Variants in TMEM132D observed in about 807,000 individuals in gnomAD.
TMEM132D encodes transmembrane protein 132D, also known as mature OL transmembrane protein.
TMEM132D carries 21 observed loss-of-function variants against 62.3 expected under a neutral mutation model. That is an observed-to-expected ratio of 0.34 (90% CI 0.24 to 0.49). The LOEUF (loss-of-function observed/expected upper bound fraction) is 0.49. TMEM132D is among the 20% of genes least tolerant of loss of function. TMEM132D has a pLI of 0.99. For missense variants in TMEM132D, 1,346 were observed against 1,402.8 expected, an observed-to-expected ratio of 0.96 and a Z score of 0.65; for synonymous variants, 621 against 575.6, an observed-to-expected ratio of 1.08 and a Z score of -1.13.
intron 3 of TMEM132D, among the ~76,000 whole-genome samples, chr12:129,459,024 T>G (rs1873570939): frequency 6.6e-6 from 1 of 152,204 alleles, no homozygotes; most frequent in African/African-American, 2.4e-5. Flanking sequence ...GAACATCACA[T>G]GCTTCCAGAA....
At chr12:129,892,030 G>A (rs1438022941) in intron 1 of TMEM132D, among the ~76,000 whole-genome samples, 1 of 152,144 alleles carries the variant, frequency 6.6e-6, no homozygotes, top group Non-Finnish European at 1.5e-5. Context: ...AATTAAGAAG[G>A]CAAGAAAACA....
At chr12:129,274,836 G>A (rs1387539642) in intron 4 of TMEM132D, among the ~76,000 whole-genome samples, 2 of 152,196 alleles carry the variant, frequency 1.3e-5, no homozygotes, top group East Asian at 3.8e-4. Context: ...GCAGTGAGCC[G>A]AGATAGCGCC....
At chr12:129,792,256 GC>G (rs1871420947) in intron 1 of TMEM132D, among the ~76,000 whole-genome samples, 1 of 152,102 alleles carries the variant, frequency 6.6e-6, no homozygotes, top group Admixed American at 6.5e-5. Flanking sequence ...GTGGTTAAAA[GC>G]CCCCACTCTG....
intron 2 of TMEM132D, among the ~76,000 whole-genome samples, chr12:129,586,464 CAG>C (rs1253912579): frequency 6.6e-6 from 1 of 152,168 alleles, no homozygotes; most frequent in Admixed American, 6.5e-5. Flanking sequence ...TTACAAACAA[CAG>C]AGATTGACTC....
At chr12:129,343,368 C>G (rs377662995) in intron 3 of TMEM132D, among the ~76,000 whole-genome samples, 3 of 149,362 alleles carry the variant, frequency 2.0e-5, no homozygotes, top group African/African-American at 5.0e-5. Flanking sequence ...TAGGTGGGAA[C>G]TGAACAATGA....
chr12:129,086,417 A>G (rs75818147), intron 5 of TMEM132D, among the ~76,000 whole-genome samples: 2 of 152,056 alleles, frequency 1.3e-5, no homozygotes, highest in Non-Finnish European at 2.9e-5. Flanking sequence ...ACCCTTCTGA[A>G]CATCCAGTGT....
chr12:129,686,416 T>C (rs2137212855), intron 2 of TMEM132D, among the ~76,000 whole-genome samples: 1 of 152,286 alleles, frequency 6.6e-6, no homozygotes, highest in East Asian at 1.9e-4. Flanking sequence ...CTTCCAGCTT[T>C]CACATGAAGA....
intron 5 of TMEM132D, among the ~76,000 whole-genome samples, chr12:129,192,506 T>A (rs11612670): frequency 0.079 from 12,016 of 152,286 alleles, 545 homozygotes; most frequent in Middle Eastern, 0.1. Context: ...CAAGATTCTG[T>A]GGCAAATTCT....
At chr12:129,584,423 T>G (rs1233007630) in intron 2 of TMEM132D, among the ~76,000 whole-genome samples, 1 of 152,252 alleles carries the variant, frequency 6.6e-6, no homozygotes, top group Admixed American at 6.5e-5. Flanking sequence ...AATTTGCCAC[T>G]TTCACGACCT....
chr12:129,121,084 ATTATT>A (rs1202933703), intron 5 of TMEM132D, among the ~76,000 whole-genome samples: 2 of 151,150 alleles, frequency 1.3e-5, no homozygotes, highest in African/African-American at 2.4e-5. Context: ...ATTTTATTTT[ATTATT>A]TTATTTTATT....
At chr12:129,254,150 G>A (rs1221527037) in intron 4 of TMEM132D, among the ~76,000 whole-genome samples, 1 of 151,988 alleles carries the variant, frequency 6.6e-6, no homozygotes, top group Admixed American at 6.6e-5. Flanking sequence ...GGGGAGTTAT[G>A]GACAACCAAA....
chr12:129,734,195 C>T (rs745967843), intron 1 of TMEM132D, among the ~76,000 whole-genome samples: 1 of 152,160 alleles, frequency 6.6e-6, no homozygotes, highest in Non-Finnish European at 1.5e-5. Context: ...CTTGCCCATG[C>T]CAATCATTCT....
chr12:129,316,314 G>A (rs1274392298), intron 4 of TMEM132D, among the ~76,000 whole-genome samples: 2 of 152,094 alleles, frequency 1.3e-5, no homozygotes, highest in Non-Finnish European at 2.9e-5. Context: ...CACTGCCTTT[G>A]CTGTATCCCA....
At chr12:129,228,906 G>T (rs911239682) in intron 4 of TMEM132D, among the ~76,000 whole-genome samples, 2 of 152,186 alleles carry the variant, frequency 1.3e-5, no homozygotes, top group African/African-American at 4.8e-5. Context: ...ATCTGCATAA[G>T]ATCCGGACTT....
chr12:129,248,875 CTT>C (rs1320302464), intron 4 of TMEM132D, among the ~76,000 whole-genome samples: 2 of 152,096 alleles, frequency 1.3e-5, no homozygotes, highest in African/African-American at 4.8e-5. Context: ...AGGACATAGT[CTT>C]GTTCTTTTTT....
At chr12:129,640,009 G>A (rs1879600360) in intron 2 of TMEM132D, among the ~76,000 whole-genome samples, 1 of 151,918 alleles carries the variant, frequency 6.6e-6, no homozygotes, top group Admixed American at 6.6e-5. Context: ...GCAGAATGCT[G>A]CCACATGTTT....
intron 5 of TMEM132D, among the ~76,000 whole-genome samples, chr12:129,177,970 T>C (rs1215342109): frequency 1.3e-5 from 2 of 152,156 alleles, no homozygotes; most frequent in Non-Finnish European, 2.9e-5. Flanking sequence ...CCCCTCCCTG[T>C]GTCCATGGGC....
intron 5 of TMEM132D, among the ~76,000 whole-genome samples, chr12:129,092,853 C>T (rs1221242411): frequency 6.6e-6 from 1 of 152,182 alleles, no homozygotes; most frequent in African/African-American, 2.4e-5. Flanking sequence ...CCCCCATTTG[C>T]CAGATAAGAA....
chr12:129,773,205 C>T (rs904616914), intron 1 of TMEM132D, among the ~76,000 whole-genome samples: 9 of 152,224 alleles, frequency 5.9e-5, no homozygotes, highest in African/African-American at 1.4e-4. Context: ...CACTTAATTA[C>T]GCATTCGACA....
Sources: gnomAD v4.1 joint callset for allele counts (sites outside exome capture counted in the v4.1 genomes callset) on GRCh38, gnomAD v4.1.1 for gene constraint, MANE v1.5 for transcripts, NCBI Gene and HGNC (gene_info 2026-07-23, HGNC 2026-07-21) for gene names.